RYR2: variants seen among roughly 807,000 people sequenced by gnomAD.
RYR2 encodes cardiac muscle ryanodine receptor-calcium release channel.
RYR2 carries 227 observed loss-of-function variants against 601.1 expected under a neutral mutation model. The observed-to-expected ratio is 0.38, with a 90% confidence interval of 0.34 to 0.42. The LOEUF (loss-of-function observed/expected upper bound fraction) is 0.42, where lower values mean the gene tolerates loss of function less well. Among genes scored for constraint, RYR2 ranks in the 10% least tolerant of loss-of-function variants. The pLI is 1.00. For missense variants in RYR2, 4,646 were observed against 6,156.5 expected (o/e 0.75, Z 8.21); for synonymous variants, 2,223 against 2,175.1 (o/e 1.02, Z -0.61).
At position 237,705,341 on chromosome 1, in the gene RYR2, C is replaced by G. The variant is rs1412111895; in HGVS notation, c.9578C>G (p.Ala3193Gly). 2 of 1,602,242 alleles carry G rather than the reference C, an allele frequency of 1.2e-6. No homozygotes were observed. The highest frequency in any genetic ancestry group is 1.7e-6 in the Non-Finnish European group (2 of 1,173,264). Residue 3193 changes from alanine (A) to glycine (G), a missense_variant and splice_region_variant, in exon 67 of 105, where the codon GCA becomes GGA. This residue lies in a region of RYR2 where 1,497 missense variants were observed against 1,842.6 expected (regional missense o/e 0.81). Coordinates refer to ENST00000366574, the MANE Select transcript of RYR2 (RefSeq NM_001035.3). Reference protein sequence around the residue: ...IYNTKSSRERAALSLPTNVED... With the variant: ...IYNTKSSRERGALSLPTNVED... Reference sequence around the variant, plus strand: ...AATACCAAGTCTTCACGAGAAAGAGCAGGTAACACAGAAACATGTGCAGTG... The same window carrying G: ...AATACCAAGTCTTCACGAGAAAGAGGAGGTAACACAGAAACATGTGCAGTG...
intron 24 of RYR2, among the ~76,000 whole-genome samples, chr1:237,525,854 C>T (rs750777184): frequency 6.6e-6 from 1 of 151,934 alleles, no homozygotes; most frequent in Non-Finnish European, 1.5e-5. Flanking sequence ...GTGGTGAGCA[C>T]CTGTAACCTC....
chr1:237,720,009 T>C (rs1689588880), intron 73 of RYR2, among the ~76,000 whole-genome samples: 1 of 152,206 alleles, frequency 6.6e-6, no homozygotes, highest in African/African-American at 2.4e-5. Flanking sequence ...AAAACATGGA[T>C]GGAAATCGAT....
chr1:237,550,436 A>G lies in RYR2; in HGVS notation c.3067-108A>G, dbSNP rs1239167922. Reference sequence around the variant, plus strand: ...CCTGGGAAGACGCATGGATTGTGGAAGGGTCACGTTTTTCTCATGGAATTT... The same window carrying G: ...CCTGGGAAGACGCATGGATTGTGGAGGGGTCACGTTTTTCTCATGGAATTT... On this transcript the variant is annotated intron_variant, in intron 26 of 104. Transcript: ENST00000366574. 9 of 1,239,650 alleles carry G rather than the reference A, an allele frequency of 7.3e-6. 1 individual carries two copies. In the East Asian group the frequency reaches 1.3e-4, roughly 18 times the overall value. The allele number at this position is 1,239,650 out of a possible 1,614,324, so 76.8% of individuals were successfully genotyped here. A position where few individuals can be genotyped will look rare whatever the true frequency, so the allele number is the denominator to read the frequency against.
chr1:237,576,566 C>T (rs545304323), intron 29 of RYR2, among the ~76,000 whole-genome samples: 2 of 152,094 alleles, frequency 1.3e-5, no homozygotes, highest in East Asian at 3.9e-4. Context: ...TTCTTCACAC[C>T]CTATATGATA....
chr1:237,756,519 C>A, intron 81 of RYR2, 132 bp downstream of exon 81: 1 of 550,250 alleles, frequency 1.8e-6, no homozygotes, highest in South Asian at 3.1e-5. Flanking sequence ...ATATCAGGTG[C>A]CTATTCACAA....
At chr1:237,665,432 A>G (rs918897157) in intron 56 of RYR2, among the ~76,000 whole-genome samples, 1 of 151,760 alleles carries the variant, frequency 6.6e-6, no homozygotes, top group Non-Finnish European at 1.5e-5. Context: ...AAAACTTCAG[A>G]CAAATTAAAT....
At position 237,445,479 on chromosome 1, in the gene RYR2, C is replaced by G. The variant is rs564822776; in HGVS notation, c.1249C>G (p.Arg417Gly). The G allele has an allele frequency of 1.4e-5, 22 of 1,613,688 alleles. No individual in the cohort carries two copies. Among genetic ancestry groups the G allele is most frequent in the Admixed American group, 8.3e-5 (5 of 59,990 alleles). ...RSQHEESRTA[R>G]VIRSTVFLFN... ...CCAGCATGAAGAATCACGCACAGCC[C>G]GAGTTATCCGGAGCACAGTCTTCCT... The change falls in exon 14 of 105, where the codon CGA becomes GGA. Residue 417 changes from arginine (R) to glycine (G), a missense_variant. Physicochemically the swap from Arg to Gly is moderately radical, Grantham distance 125 (BLOSUM62 -2). Coordinates refer to ENST00000366574, the MANE Select transcript of RYR2 (RefSeq NM_001035.3).
intron 71 of RYR2, among the ~76,000 whole-genome samples, chr1:237,715,913 A>G (rs1242527748): frequency 1.3e-5 from 2 of 152,138 alleles, no homozygotes; most frequent in Non-Finnish European, 2.9e-5. Flanking sequence ...TAAATGATCC[A>G]TTTTTTAATG....
At chr1:237,675,654 C>T (rs1055358354) in intron 60 of RYR2, among the ~76,000 whole-genome samples, 1 of 152,130 alleles carries the variant, frequency 6.6e-6, no homozygotes, top group Non-Finnish European at 1.5e-5. Context: ...TCATTCAACA[C>T]CTTTCCTCTG....
rs541273898 is a variant in RYR2 at position 237,669,130 on chromosome 1, C to T, written c.8590+1172C>T. Among the ~76,000 whole-genome samples the T allele has an allele frequency of 2.9e-3, 402 of 139,800 alleles. 17 individuals are homozygous for T. The highest frequency in any genetic ancestry group is 9.4e-3 in the African/African-American group (380 of 40,546). The allele number at this position is 139,800 out of a possible 152,430, so 91.7% of individuals were successfully genotyped here. A position where few individuals can be genotyped will look rare whatever the true frequency, so the allele number is the denominator to read the frequency against. ...CTGTTTAACAAAGCACATCTTGCAC[C>T]GTCCTTAATCCATTTAACCCTGAGT... On this transcript the variant is annotated intron_variant, in intron 58 of 104. Coordinates refer to ENST00000366574, the MANE Select transcript of RYR2 (RefSeq NM_001035.3).
At chr1:237,245,339 C>T (rs972170141) in intron 1 of RYR2, among the ~76,000 whole-genome samples, 2 of 152,074 alleles carry the variant, frequency 1.3e-5, no homozygotes, top group Non-Finnish European at 2.9e-5. Context: ...CATGGCTTAC[C>T]ACATTGAGCA....
chr1:237,409,548 C>T (rs1414015467), intron 10 of RYR2, among the ~76,000 whole-genome samples: 2 of 151,868 alleles, frequency 1.3e-5, no homozygotes, highest in East Asian at 1.9e-4. Context: ...ACAGCACATT[C>T]CTTTTGAAAT....
chr1:237,397,537 G>A (rs990491540), intron 10 of RYR2, among the ~76,000 whole-genome samples: 19 of 152,276 alleles, frequency 1.2e-4, no homozygotes, highest in African/African-American at 4.3e-4. Context: ...CAGGTCATAA[G>A]TGGGTTCAAA....
chr1:237,433,188 G>A (rs1291289000), intron 12 of RYR2, among the ~76,000 whole-genome samples: 2 of 151,888 alleles, frequency 1.3e-5, no homozygotes, highest in South Asian at 4.1e-4. Context: ...ACAGAAAAAA[G>A]GGCTGTGGAA....
At chr1:237,169,316 T>G (rs916349653) in intron 1 of RYR2, among the ~76,000 whole-genome samples, 8 of 150,592 alleles carry the variant, frequency 5.3e-5, no homozygotes, top group Non-Finnish European at 7.4e-5. Context: ...TTCTTTTTTT[T>G]TGAGATGGAG....
chr1:237,715,173 C>T (rs1025271265), intron 71 of RYR2, among the ~76,000 whole-genome samples: 3 of 152,084 alleles, frequency 2.0e-5, no homozygotes, highest in Admixed American at 6.6e-5. Context: ...TTAGCTTTAG[C>T]GGCTCTGTTT....
intron 1 of RYR2, among the ~76,000 whole-genome samples, chr1:237,173,181 T>TG (rs1184719401): frequency 6.6e-6 from 1 of 151,846 alleles, no homozygotes; most frequent in Non-Finnish European, 1.5e-5. Context: ...CTCTTTTTTT[T>TG]TTTTTATCAG....
At chr1:237,139,868 A>G (rs528915333) in intron 1 of RYR2, among the ~76,000 whole-genome samples, 2 of 152,368 alleles carry the variant, frequency 1.3e-5, no homozygotes, top group Non-Finnish European at 2.9e-5. Flanking sequence ...ACGAAATGGA[A>G]TCATTGTCTG....
chr1:237,757,383 CAT>C (rs1193536525), intron 81 of RYR2, among the ~76,000 whole-genome samples: 1 of 152,138 alleles, frequency 6.6e-6, no homozygotes, highest in Non-Finnish European at 1.5e-5. Flanking sequence ...TTATTAAACA[CAT>C]AATTAATCTT....
Sources: allele counts gnomAD v4.1 joint callset (sites outside exome capture counted in the v4.1 genomes callset), GRCh38; gene constraint gnomAD v4.1.1; regional missense constraint gnomAD v4.1.1; transcripts MANE v1.5; gene names NCBI Gene and HGNC (gene_info 2026-07-23, HGNC 2026-07-21).